LRMDA: variants seen among roughly 807,000 people sequenced by gnomAD.
LRMDA encodes leucine rich melanocyte differentiation associated.
A neutral mutation model predicts 29.8 loss-of-function variants in LRMDA; 18 were observed. The ratio of observed to expected loss-of-function variants is 0.60; its 90% CI spans 0.42 to 0.90. The LOEUF (loss-of-function observed/expected upper bound fraction) is 0.90. Among genes scored for constraint, LRMDA ranks in the 40% least tolerant of loss-of-function variants. The pLI, the probability that LRMDA is intolerant of heterozygous loss-of-function variation, is 0.00. For missense variants in LRMDA, 273 were observed against 273.9 expected, an observed-to-expected ratio of 1.00 and a Z score of 0.02; for synonymous variants, 125 against 109.4, an observed-to-expected ratio of 1.14 and a Z score of -0.89.
intron 5 of LRMDA, among the ~76,000 whole-genome samples, chr10:76,086,348 G>A (rs1263761607): frequency 1.3e-5 from 2 of 152,140 alleles, no homozygotes; most frequent in Non-Finnish European, 2.9e-5. Context: ...AATGGGGCTG[G>A]TAAAAAGCAG....
chr10:76,256,613 G>C (rs181086352), intron 5 of LRMDA, among the ~76,000 whole-genome samples: 2 of 152,160 alleles, frequency 1.3e-5, no homozygotes, highest in Admixed American at 1.3e-4. Context: ...GGCAATTCAG[G>C]CAATTAAAGT....
intron 5 of LRMDA, among the ~76,000 whole-genome samples, chr10:76,103,863 A>G (rs2132105462): frequency 6.6e-6 from 1 of 152,062 alleles, no homozygotes; most frequent in Non-Finnish European, 1.5e-5. Flanking sequence ...AGCCTGGCCA[A>G]GATGATGAAA....
chr10:76,084,389 T>C lies in LRMDA; in HGVS notation c.516+25606T>C, dbSNP rs1849100761. On this transcript the variant is annotated intron_variant, in intron 5 of 6. Transcript: ENST00000611255. ...ATTTTTTTTTTTTTTTTTTTTTTTTTTTTTTTGTAGAGTCAGGGTTTTACC... is the reference window on the plus strand; with the variant it reads ...ATTTTTTTTTTTTTTTTTTTTTTTTCTTTTTTGTAGAGTCAGGGTTTTACC... 2.8e-5 allele frequency among the ~76,000 whole-genome samples: 4 copies of C among 140,662 alleles called. No homozygotes were observed. The Admixed American group carries it at 2.9e-4, about 10-fold the overall frequency. The allele number at this position is 140,662 out of a possible 152,430, so 92.3% of individuals were successfully genotyped here.
intron 6 of LRMDA, among the ~76,000 whole-genome samples, chr10:76,432,973 GGAA>G (rs1564540206): frequency 6.6e-6 from 1 of 152,198 alleles, no homozygotes; most frequent in African/African-American, 2.4e-5. Flanking sequence ...CAGAGGCCCA[GGAA>G]GAAGGACAGA....
chr10:76,171,392 G>A lies in LRMDA; in HGVS notation c.516+112609G>A, dbSNP rs139348458. ...GAACTCAGTTGACACACCCGCCTTG[G>A]CCTCCCAAAGTGCTGGGATTACAGG... is the stretch of plus-strand genomic sequence containing the variant. On this transcript the variant is annotated intron_variant, in intron 5 of 6. Coordinates refer to ENST00000611255, the MANE Select transcript of LRMDA (RefSeq NM_001305581.2). 1.4e-3 allele frequency among the ~76,000 whole-genome samples: 209 copies of A among 152,284 alleles called. 1 individual carries two copies. The highest frequency in any genetic ancestry group is 2.2e-3 in the Non-Finnish European group (152 of 68,022).
chr10:75,866,478 G>T (rs947943779), intron 2 of LRMDA, among the ~76,000 whole-genome samples: 3 of 152,236 alleles, frequency 2.0e-5, no homozygotes, highest in African/African-American at 7.2e-5. Context: ...TGGTAGCAAT[G>T]AAGATTGCTT....
intron 2 of LRMDA, among the ~76,000 whole-genome samples, chr10:75,543,052 C>T (rs1460430892): frequency 2.0e-5 from 3 of 152,156 alleles, no homozygotes; most frequent in Admixed American, 1.3e-4. Context: ...CAAGTCCAAG[C>T]GCGAGGCCAG....
At chr10:76,372,283 G>C (rs1291778649) in intron 6 of LRMDA, among the ~76,000 whole-genome samples, 2 of 152,100 alleles carry the variant, frequency 1.3e-5, no homozygotes, top group Admixed American at 6.6e-5. Flanking sequence ...TTTTCCACTG[G>C]AGGGAAGCAT....
intron 4 of LRMDA, among the ~76,000 whole-genome samples, chr10:76,051,909 G>A (rs1848536637): frequency 6.6e-6 from 1 of 152,108 alleles, no homozygotes; most frequent in Admixed American, 6.5e-5. Context: ...CTCTCAAATA[G>A]GCTGCACTGA....
chr10:76,276,759 C>T (rs937438689), intron 5 of LRMDA, among the ~76,000 whole-genome samples: 2 of 152,228 alleles, frequency 1.3e-5, no homozygotes, highest in Non-Finnish European at 2.9e-5. Context: ...TATTACAACT[C>T]TGTGAAGAAT....
At chr10:76,390,637 A>G (rs1589163124) in intron 6 of LRMDA, among the ~76,000 whole-genome samples, 1 of 151,962 alleles carries the variant, frequency 6.6e-6, no homozygotes, top group South Asian at 2.1e-4. Context: ...GTGCCCCTTC[A>G]TTGCCCCTCC....
chr10:76,399,164 A>G (rs1841821381), intron 6 of LRMDA, among the ~76,000 whole-genome samples: 1 of 152,196 alleles, frequency 6.6e-6, no homozygotes, highest in South Asian at 2.1e-4. Flanking sequence ...TTAATTTCTA[A>G]TAAAGTTGAT....
At position 76,324,284 on chromosome 10, in the gene LRMDA, C is replaced by T. The variant is rs557772405; in HGVS notation, c.517-117C>T. The T allele has an allele frequency of 1.4e-4, 126 of 894,614 alleles. No homozygotes were observed. The African/African-American group carries it at 2.0e-3, about 14-fold the overall frequency. The allele number at this position is 894,614 out of a possible 1,614,324, so 55.4% of individuals were successfully genotyped here. ...ACAGCTCTTGCTTCCTAAGAAGTAT[C>T]TTGGTGAATAATATTTTCTCCAAGC... is the stretch of plus-strand genomic sequence containing the variant. On this transcript the variant is annotated intron_variant, in intron 5 of 6. Coordinates refer to ENST00000611255, the MANE Select transcript of LRMDA (RefSeq NM_001305581.2).
chr10:76,013,112 T>C (rs1185133661), intron 2 of LRMDA, among the ~76,000 whole-genome samples: 2 of 152,084 alleles, frequency 1.3e-5, no homozygotes, highest in African/African-American at 4.8e-5. Flanking sequence ...CTTAAAGGAT[T>C]TGTGTCAGCA....
At chr10:75,629,966 C>T (rs958886034) in intron 2 of LRMDA, among the ~76,000 whole-genome samples, 1 of 152,206 alleles carries the variant, frequency 6.6e-6, no homozygotes, top group Admixed American at 6.5e-5. Context: ...TTAAAAAGAA[C>T]AGCCATTCCA....
intron 5 of LRMDA, among the ~76,000 whole-genome samples, chr10:76,312,342 G>A (rs1589422797): frequency 6.6e-6 from 1 of 152,084 alleles, no homozygotes; most frequent in Admixed American, 6.6e-5. Flanking sequence ...TCTTGCATTG[G>A]TATCAATTTA....
At chr10:76,151,114 C>G (rs1850433676) in intron 5 of LRMDA, among the ~76,000 whole-genome samples, 1 of 152,154 alleles carries the variant, frequency 6.6e-6, no homozygotes, top group African/African-American at 2.4e-5. Context: ...ACGTAGGGCT[C>G]AAGGGGGCTC....
rs140094385 is a variant in LRMDA at position 75,920,939 on chromosome 10, A to G, written c.132-115069A>G. Among the ~76,000 whole-genome samples the G allele has an allele frequency of 4.6e-5, 7 of 152,304 alleles. No homozygotes were observed. The East Asian group carries it at 1.4e-3, about 29-fold the overall frequency. ...TTGTTCCACTAGAGTAATTTCCTAG[A>G]GAGAGGAGAGAAGGGAGCTCTCATT... On this transcript the variant is annotated intron_variant, in intron 2 of 6. Coordinates refer to ENST00000611255, the MANE Select transcript of LRMDA (RefSeq NM_001305581.2).
chr10:76,420,296 T>A (rs548045093), intron 6 of LRMDA, among the ~76,000 whole-genome samples: 2 of 152,120 alleles, frequency 1.3e-5, no homozygotes, highest in South Asian at 2.1e-4. Context: ...AAAAGATTTT[T>A]AAAAATTGAT....
Sources: gnomAD v4.1 joint callset for allele counts (sites outside exome capture counted in the v4.1 genomes callset) on GRCh38, gnomAD v4.1.1 for gene constraint, MANE v1.5 for transcripts, NCBI Gene and HGNC (gene_info 2026-07-23, HGNC 2026-07-21) for gene names.